The following NIPBL variants were observed in gnomAD, a reference collection of about 807,000 sequenced individuals.
The protein encoded by NIPBL is nipped-B-like protein.
A neutral mutation model predicts 321.8 loss-of-function variants in NIPBL; 19 were observed. The observed-to-expected ratio is 0.06, with a 90% CI of 0.04 to 0.09. The LOEUF (loss-of-function observed/expected upper bound fraction) is 0.09. NIPBL is among the 10% of genes least tolerant of loss of function. The pLI is 1.00. For synonymous variants in NIPBL, 1,106 were observed against 1,114.1 expected (o/e 0.99, Z 0.14); for missense variants, 2,210 against 3,327.0 (o/e 0.66, Z 8.26).
At chr5:37,054,491 G>C (rs1002636561) in intron 42 of NIPBL, among the ~76,000 whole-genome samples, 1 of 152,114 alleles carries the variant, frequency 6.6e-6, no homozygotes, top group African/African-American at 2.4e-5. Flanking sequence ...TAGTGATTAC[G>C]GTTAGTATAT....
intron 22 of NIPBL, 84 bp downstream of exon 22, chr5:37,014,849 C>G: frequency 1.2e-6 from 1 of 841,432 alleles, no homozygotes. Flanking sequence ...AATCCAATTT[C>G]CTGCCATAAT....
At chr5:36,981,694 G>T (rs1415375968) in intron 9 of NIPBL, among the ~76,000 whole-genome samples, 1 of 151,612 alleles carries the variant, frequency 6.6e-6, no homozygotes, top group Non-Finnish European at 1.5e-5. Context: ...CAAAGAGGGG[G>T]TTCCTTTGTT....
At chr5:36,925,434 A>G (rs1034182912) in intron 1 of NIPBL, among the ~76,000 whole-genome samples, 2 of 151,688 alleles carry the variant, frequency 1.3e-5, no homozygotes, top group South Asian at 2.1e-4. Flanking sequence ...ACACCGGCTA[A>G]TTTTGTATTT....
intron 1 of NIPBL, among the ~76,000 whole-genome samples, chr5:36,947,041 T>C (rs767708586): frequency 5.7e-4 from 86 of 152,208 alleles, no homozygotes; most frequent in Non-Finnish European, 1.1e-3. Context: ...AATTTTTGCA[T>C]CTGTGAAATA....
At chr5:37,004,676 G>A (rs547423785) in intron 16 of NIPBL, among the ~76,000 whole-genome samples, 22 of 151,982 alleles carry the variant, frequency 1.4e-4, no homozygotes, top group Admixed American at 1.1e-3. Flanking sequence ...CAAAGCTCTG[G>A]GACCACAGAT....
chr5:36,911,238 T>G (rs1748026321), intron 1 of NIPBL, among the ~76,000 whole-genome samples: 1 of 152,238 alleles, frequency 6.6e-6, no homozygotes, highest in African/African-American at 2.4e-5. Flanking sequence ...GGCATCCCAC[T>G]TATCACCTTT....
At chr5:37,001,872 AAAGT>A (rs779948348) in intron 14 of NIPBL, among the ~76,000 whole-genome samples, 24 of 152,324 alleles carry the variant, frequency 1.6e-4, no homozygotes, top group South Asian at 6.2e-4. Context: ...TTCAGCTGGT[AAAGT>A]AAGTATTTGT....
chr5:36,938,434 A>G (rs1159800706), intron 1 of NIPBL, among the ~76,000 whole-genome samples: 1 of 152,060 alleles, frequency 6.6e-6, no homozygotes, highest in African/African-American at 2.4e-5. Flanking sequence ...AAATGTAAGC[A>G]ACTGGTGAAT....
intron 45 of NIPBL, among the ~76,000 whole-genome samples, chr5:37,062,173 T>C (rs1339374148): frequency 6.6e-6 from 1 of 152,168 alleles, no homozygotes; most frequent in Non-Finnish European, 1.5e-5. Context: ...TTCCAAATAG[T>C]TTTTGATCCA....
intron 9 of NIPBL, among the ~76,000 whole-genome samples, chr5:36,979,752 A>G (rs1743925038): frequency 1.3e-5 from 2 of 151,856 alleles, no homozygotes; most frequent in South Asian, 2.1e-4. Context: ...AACCTGTTAT[A>G]AAAGTATACG....
chr5:36,994,898 A>G (rs1374487044), intron 10 of NIPBL, among the ~76,000 whole-genome samples: 1 of 151,878 alleles, frequency 6.6e-6, no homozygotes, highest in East Asian at 1.9e-4. Flanking sequence ...GGAAGATATG[A>G]ACTTGAATTT....
intron 32 of NIPBL, among the ~76,000 whole-genome samples, chr5:37,030,203 T>C (rs1750816187): frequency 6.6e-6 from 1 of 152,194 alleles, no homozygotes; most frequent in Non-Finnish European, 1.5e-5. Flanking sequence ...TGTATCTTTA[T>C]TCTCTAGTCC....
chr5:37,021,707 C>T (rs1384039411), intron 27 of NIPBL, among the ~76,000 whole-genome samples: 2 of 152,120 alleles, frequency 1.3e-5, no homozygotes, highest in Non-Finnish European at 2.9e-5. Context: ...AAATACAAAA[C>T]ATTCAACTAC....
intron 1 of NIPBL, among the ~76,000 whole-genome samples, chr5:36,931,377 G>A (rs1489994184): frequency 6.6e-6 from 1 of 152,006 alleles, no homozygotes; most frequent in Non-Finnish European, 1.5e-5. Flanking sequence ...GAGTGCAGTG[G>A]TGTGATCTCG....
chr5:36,914,728 C>G (rs1018575562), intron 1 of NIPBL, among the ~76,000 whole-genome samples: 1 of 152,164 alleles, frequency 6.6e-6, no homozygotes, highest in African/African-American at 2.4e-5. Context: ...CAGTGACAAA[C>G]AGTGGCTTTC....
chr5:37,052,612 AT>A, intron 42 of NIPBL, 46 bp downstream of exon 42: 1 of 1,444,514 alleles, frequency 6.9e-7, no homozygotes, highest in Non-Finnish European at 9.7e-7. Flanking sequence ...TGCTCTAGAA[AT>A]TTTATGGATA....
intron 6 of NIPBL, among the ~76,000 whole-genome samples, chr5:36,969,237 A>G (rs1742585053): frequency 6.6e-6 from 1 of 152,238 alleles, no homozygotes; most frequent in South Asian, 2.1e-4. Flanking sequence ...ACCCGTATCT[A>G]TAAATTCAGT....
chr5:36,919,665 CCTGA>C (rs1211352239), intron 1 of NIPBL, among the ~76,000 whole-genome samples: 6 of 152,052 alleles, frequency 3.9e-5, no homozygotes, highest in African/African-American at 1.4e-4. Context: ...GTGCCAGATC[CCTGA>C]CTGAGAAAGA....
At chr5:36,944,209 G>T (rs1051152099) in intron 1 of NIPBL, among the ~76,000 whole-genome samples, 3 of 151,932 alleles carry the variant, frequency 2.0e-5, no homozygotes, top group Non-Finnish European at 2.9e-5. Flanking sequence ...TTCAATATGT[G>T]GAAAAATTGA....
Sources: gnomAD v4.1 joint callset for allele counts (sites outside exome capture counted in the v4.1 genomes callset) on GRCh38, gnomAD v4.1.1 for gene constraint, MANE v1.5 for transcripts, NCBI Gene and HGNC (gene_info 2026-07-23, HGNC 2026-07-21) for gene names.